Variants in CDS1 observed in about 807,000 individuals in gnomAD.
CDS1 encodes the protein phosphatidate cytidylyltransferase 1.
CDS1 carries 41 observed loss-of-function variants against 62.1 expected under a neutral mutation model. The ratio of observed to expected loss-of-function variants is 0.66; its 90% confidence interval spans 0.51 to 0.86. CDS1 has a LOEUF of 0.86. Among genes scored for constraint, CDS1 ranks in the 40% least tolerant of loss-of-function variants. The pLI is 0.00. For synonymous variants in CDS1, 185 were observed against 192.6 expected, an observed-to-expected ratio of 0.96 and a Z score of 0.32; for missense variants, 470 against 550.1, an observed-to-expected ratio of 0.85 and a Z score of 1.46.
At chr4:84,625,706 A>G (rs1723836609) in intron 5 of CDS1, among the ~76,000 whole-genome samples, 1 of 151,952 alleles carries the variant, frequency 6.6e-6, no homozygotes, top group Non-Finnish European at 1.5e-5. Context: ...CTGGGAAAAC[A>G]TTGGAGGATT....
intron 8 of CDS1, among the ~76,000 whole-genome samples, chr4:84,637,858 C>T (rs746905272): frequency 6.6e-5 from 10 of 152,088 alleles, no homozygotes; most frequent in African/African-American, 2.2e-4. Context: ...TTTGAGTCTG[C>T]TCCTACTTCA....
chr4:84,623,627 G>A (rs1386572389), intron 5 of CDS1, among the ~76,000 whole-genome samples: 2 of 151,956 alleles, frequency 1.3e-5, no homozygotes, highest in Admixed American at 1.3e-4. Flanking sequence ...TATTTTGCAG[G>A]GATACCAGGA....
intron 5 of CDS1, among the ~76,000 whole-genome samples, chr4:84,624,760 T>C (rs187515689): frequency 6.6e-6 from 1 of 152,310 alleles, no homozygotes; most frequent in African/African-American, 2.4e-5. Context: ...TGTTTCTTTT[T>C]ATATATTTTG....
At chr4:84,606,736 A>C (rs1385166773) in intron 2 of CDS1, among the ~76,000 whole-genome samples, 1 of 152,072 alleles carries the variant, frequency 6.6e-6, no homozygotes, top group Non-Finnish European at 1.5e-5. Flanking sequence ...ACTGGAGTGC[A>C]GTGGTGCAGT....
chr4:84,594,685 T>A (rs1247796814), intron 1 of CDS1, among the ~76,000 whole-genome samples: 1 of 152,188 alleles, frequency 6.6e-6, no homozygotes, highest in Non-Finnish European at 1.5e-5. Flanking sequence ...GTTAGTACAA[T>A]GATCATCAGC....
chr4:84,583,148 C>A lies in CDS1; in HGVS notation c.-254C>A. On this transcript the variant is annotated 5_prime_UTR_variant, in exon 1 of 13. Coordinates refer to ENST00000295887, the MANE Select transcript of CDS1 (RefSeq NM_001263.4). ...CTCCGCCTTCTCTGCTCGCGCCTGG[C>A]GCCCGGAGCCTGCCCGGGACCTCCG... 1 of 424,894 alleles carries A rather than the reference C, an allele frequency of 2.4e-6. No homozygotes were observed. 26.3% of individuals were successfully genotyped at this position (424,894 alleles called of 1,614,324 possible).
At chr4:84,645,181 A>G in intron 11 of CDS1, 41 bp from the exon 12 acceptor site, 1 of 1,344,848 alleles carries the variant, frequency 7.4e-7, no homozygotes, top group Non-Finnish European at 1.1e-6. Flanking sequence ...ATAGCAGGTG[A>G]TTTTTTGAAA....
chr4:84,638,877 T>C (rs1724296771), intron 8 of CDS1, 47 bp from the exon 9 acceptor site: 1 of 654,860 alleles, frequency 1.5e-6, no homozygotes, highest in African/African-American at 1.9e-5. Flanking sequence ...ATATTGTGAG[T>C]TTTGTGAGTG....
rs368583089 is a variant in CDS1, at chr4:84,648,536, T to G, written c.1257-21T>G. 5.0e-6 allele frequency: 8 copies of G among 1,608,494 alleles called. No individual in the cohort carries two copies. In the African/African-American group the frequency reaches 9.4e-5, roughly 19 times the overall value. Reference sequence around the variant, plus strand: ...CCTATTAAAATAACACGAACTTGTCTTCTTTGCCTTTTATCATTAGGGGCC... The same window carrying G: ...CCTATTAAAATAACACGAACTTGTCGTCTTTGCCTTTTATCATTAGGGGCC... On this transcript the variant is annotated intron_variant, in intron 12 of 12. Transcript: ENST00000295887.
intron 5 of CDS1, among the ~76,000 whole-genome samples, chr4:84,628,613 G>A (rs986241434): frequency 1.3e-5 from 2 of 152,114 alleles, no homozygotes; most frequent in African/African-American, 4.8e-5. Flanking sequence ...GCTCACTGCA[G>A]CCTCAAACTC....
chr4:84,607,644 C>T lies in CDS1; in HGVS notation c.246-1785C>T, dbSNP rs201367956. On this transcript the variant is annotated intron_variant, in intron 2 of 12. Transcript: ENST00000295887. ...GACATGGTGGCTCACACCTGAAATC[C>T]CAGCACTTTGGGAGGCCAAGGCAGG... 2.0e-5 allele frequency among the ~76,000 whole-genome samples: 3 copies of T among 151,952 alleles called. No homozygotes were observed. The East Asian group carries it at 5.8e-4, about 30-fold the overall frequency.
chr4:84,598,631 G>T (rs1722829320), intron 1 of CDS1, among the ~76,000 whole-genome samples: 1 of 151,836 alleles, frequency 6.6e-6, no homozygotes, highest in Non-Finnish European at 1.5e-5. Context: ...TTAAAATTTT[G>T]ATTCTTATTT....
chr4:84,614,756 T>G (rs1460172852), intron 3 of CDS1, among the ~76,000 whole-genome samples: 1 of 152,242 alleles, frequency 6.6e-6, no homozygotes, highest in East Asian at 1.9e-4. Flanking sequence ...AAATTGCACT[T>G]CAGAGCATAT....
chr4:84,620,384 G>A (rs754614430), intron 5 of CDS1, among the ~76,000 whole-genome samples: 2 of 151,348 alleles, frequency 1.3e-5, no homozygotes, highest in East Asian at 4.0e-4. Flanking sequence ...CACCACACCC[G>A]ACTAATTTTT....
At chr4:84,583,908 G>A (rs1722336743) in intron 1 of CDS1, among the ~76,000 whole-genome samples, 1 of 152,182 alleles carries the variant, frequency 6.6e-6, no homozygotes, top group South Asian at 2.1e-4. Context: ...AGGGAACAAA[G>A]TTAGTAAGGA....
chr4:84,597,161 G>A (rs1183645161), intron 1 of CDS1, among the ~76,000 whole-genome samples: 1 of 152,174 alleles, frequency 6.6e-6, no homozygotes, highest in Non-Finnish European at 1.5e-5. Context: ...TGGTACACTG[G>A]ACCAACCAGT....
intron 5 of CDS1, among the ~76,000 whole-genome samples, chr4:84,620,841 A>C (rs1297370166): frequency 1.3e-5 from 2 of 152,136 alleles, no homozygotes. Context: ...TGCACGGATC[A>C]CCTGAGTTTG....
At chr4:84,583,549 G>T (rs762734435) in intron 1 of CDS1, 31 bp downstream of exon 1, 18 of 1,349,948 alleles carry the variant, frequency 1.3e-5, no homozygotes, top group Non-Finnish European at 1.8e-5. Context: ...CGGACGCCGC[G>T]CCCTGGCTGG....
At chr4:84,614,623 A>G (rs1369909243) in intron 3 of CDS1, among the ~76,000 whole-genome samples, 2 of 152,216 alleles carry the variant, frequency 1.3e-5, no homozygotes, top group Non-Finnish European at 2.9e-5. Context: ...CCAGATCTGA[A>G]CTTCTAGTCC....
Sources: gnomAD v4.1 joint callset for allele counts (sites outside exome capture counted in the v4.1 genomes callset) on GRCh38, gnomAD v4.1.1 for gene constraint, MANE v1.5 for transcripts, NCBI Gene and HGNC (gene_info 2026-07-23, HGNC 2026-07-21) for gene names.